Variants in FHIT observed in about 807,000 individuals in gnomAD.
The protein encoded by FHIT is bis(5'-adenosyl)-triphosphatase.
FHIT carries 19 observed loss-of-function variants against 17.9 expected under a neutral mutation model. The observed-to-expected ratio is 1.06, with a 90% CI of 0.74 to 1.56. FHIT has a LOEUF of 1.56. Ranked by LOEUF, FHIT falls within the 40% of genes most tolerant of loss-of-function variation. FHIT has a pLI of 0.00. For synonymous variants in FHIT, 81 were observed against 69.7 expected, an observed-to-expected ratio of 1.16 and a Z score of -0.81; for missense variants, 248 against 189.2, an observed-to-expected ratio of 1.31 and a Z score of -1.82.
At chr3:60,530,605 T>C (rs2035741544) in intron 5 of FHIT, among the ~76,000 whole-genome samples, 1 of 152,192 alleles carries the variant, frequency 6.6e-6, no homozygotes, top group African/African-American at 2.4e-5. Flanking sequence ...AGTTACTGCC[T>C]TCTGACCCCA....
intron 5 of FHIT, among the ~76,000 whole-genome samples, chr3:60,073,468 AG>A (rs1702870904): frequency 6.6e-6 from 1 of 152,120 alleles, no homozygotes; most frequent in South Asian, 2.1e-4. Flanking sequence ...TAATGAATAT[AG>A]GCTCTCATAG....
chr3:60,693,400 A>G (rs1038837477), intron 4 of FHIT, among the ~76,000 whole-genome samples: 5 of 152,198 alleles, frequency 3.3e-5, no homozygotes, highest in African/African-American at 1.2e-4. Context: ...AATATTTTTT[A>G]AAGTTTCTCT....
intron 5 of FHIT, among the ~76,000 whole-genome samples, chr3:60,103,910 G>T (rs1334481307): frequency 6.6e-6 from 1 of 152,122 alleles, no homozygotes; most frequent in African/African-American, 2.4e-5. Context: ...CTAAAAAGCA[G>T]ATCACTTTCT....
chr3:60,573,094 A>G (rs1460804451), intron 4 of FHIT, among the ~76,000 whole-genome samples: 8 of 152,084 alleles, frequency 5.3e-5, no homozygotes, highest in Admixed American at 2.0e-4. Flanking sequence ...CAAAGTTTAG[A>G]CTCTTCACCA....
intron 2 of FHIT, among the ~76,000 whole-genome samples, chr3:61,143,684 G>A (rs1328230414): frequency 1.3e-5 from 2 of 152,162 alleles, no homozygotes; most frequent in African/African-American, 4.8e-5. Context: ...TCACCAATAA[G>A]GTGAAACCCC....
At chr3:60,848,096 T>A (rs1034108304) in intron 3 of FHIT, among the ~76,000 whole-genome samples, 1 of 152,174 alleles carries the variant, frequency 6.6e-6, no homozygotes, top group Admixed American at 6.5e-5. Context: ...AATCCAGACA[T>A]CATTGTCTTC....
At chr3:59,983,787 C>A (rs80278625) in intron 7 of FHIT, among the ~76,000 whole-genome samples, 1,712 of 152,092 alleles carry the variant, frequency 0.011, 30 homozygotes, top group African/African-American at 0.039. Flanking sequence ...CCATTAGTAC[C>A]AGAAAATCCC....
intron 4 of FHIT, among the ~76,000 whole-genome samples, chr3:60,744,271 A>AAAAAAAAAAAAAAAAC (rs2042309303): frequency 1.2e-4 from 6 of 52,106 alleles, no homozygotes; most frequent in African/African-American, 2.3e-4. Context: ...AACAAAACAA[A>AAAAAAAAAAAAAAAAC]AAAAAAAAAA....
intron 5 of FHIT, among the ~76,000 whole-genome samples, chr3:60,410,525 A>C (rs242199): frequency 6.6e-6 from 1 of 152,328 alleles, no homozygotes; most frequent in African/African-American, 2.4e-5. Context: ...ATAAATTTCC[A>C]AAGTATTCAC....
Position 60,989,681 on chromosome 3 carries a change from T to C in FHIT, c.-111+52366A>G, listed in dbSNP as rs962602601. On this transcript the variant is annotated intron_variant, in intron 3 of 9. Coordinates refer to ENST00000492590, the MANE Select transcript of FHIT (RefSeq NM_002012.4). ...GGAAAACTCTACTTCTGTTAAATTC[T>C]GATCATTTTTTGCTAAAGGGGTTAG... is the stretch of plus-strand genomic sequence containing the variant. Among the ~76,000 whole-genome samples the C allele has an allele frequency of 3.3e-5, 5 of 152,348 alleles. No homozygotes were observed. The East Asian group carries it at 9.6e-4, about 29-fold the overall frequency.
intron 5 of FHIT, among the ~76,000 whole-genome samples, chr3:60,448,286 T>C (rs545789199): frequency 2.6e-5 from 4 of 152,234 alleles, no homozygotes; most frequent in African/African-American, 9.6e-5. Flanking sequence ...TCCTAACCAA[T>C]TAATTGGTTT....
intron 3 of FHIT, among the ~76,000 whole-genome samples, chr3:61,028,273 C>G (rs1233261844): frequency 6.6e-6 from 1 of 152,184 alleles, no homozygotes; most frequent in African/African-American, 2.4e-5. Context: ...TTCACAAAAA[C>G]TATGGAGACA....
intron 5 of FHIT, among the ~76,000 whole-genome samples, chr3:60,412,687 G>A (rs568662196): frequency 6.6e-6 from 1 of 152,282 alleles, no homozygotes; most frequent in Non-Finnish European, 1.5e-5. Context: ...AAGGGACTGA[G>A]CAGAGTCTCA....
chr3:60,569,744 TATATATA>T (rs1451396942), intron 4 of FHIT, among the ~76,000 whole-genome samples: 111 of 76,172 alleles, frequency 1.5e-3, no homozygotes, highest in Non-Finnish European at 1.9e-3. Flanking sequence ...TATATATATA[TATATATA>T]TATATTTTTT....
At chr3:60,592,601 A>G (rs891135925) in intron 4 of FHIT, among the ~76,000 whole-genome samples, 2 of 152,164 alleles carry the variant, frequency 1.3e-5, no homozygotes, top group African/African-American at 2.4e-5. Context: ...CCTGGGCAGC[A>G]GGATGGAGGC....
intron 5 of FHIT, among the ~76,000 whole-genome samples, chr3:60,172,028 A>G (rs940285242): frequency 5.3e-5 from 8 of 152,200 alleles, no homozygotes; most frequent in Admixed American, 1.3e-4. Context: ...ATCATGAACA[A>G]AAATCCAAAC....
chr3:61,005,495 A>C (rs1044604952), intron 3 of FHIT, among the ~76,000 whole-genome samples: 15 of 152,034 alleles, frequency 9.9e-5, no homozygotes, highest in African/African-American at 3.4e-4. Context: ...TGATGGTGGT[A>C]ATAGTGATGA....
At chr3:60,827,096 G>A (rs1281822322) in intron 3 of FHIT, among the ~76,000 whole-genome samples, 3 of 152,144 alleles carry the variant, frequency 2.0e-5, no homozygotes, top group African/African-American at 7.2e-5. Flanking sequence ...AGCCAAGGAG[G>A]TCATTCTTGA....
At chr3:61,229,630 CT>C (rs2106865960) in intron 1 of FHIT, among the ~76,000 whole-genome samples, 1 of 152,252 alleles carries the variant, frequency 6.6e-6, no homozygotes, top group African/African-American at 2.4e-5. Flanking sequence ...AATAGAAATA[CT>C]CATCTCACAG....
Sources: gnomAD v4.1 joint callset for allele counts (sites outside exome capture counted in the v4.1 genomes callset) on GRCh38, gnomAD v4.1.1 for gene constraint, MANE v1.5 for transcripts, NCBI Gene and HGNC (gene_info 2026-07-23, HGNC 2026-07-21) for gene names.